The following CSRNP3 variants were observed in gnomAD, a reference collection of about 807,000 sequenced individuals.
The protein encoded by CSRNP3 is cysteine and serine rich nuclear protein 3, also known as cysteine/serine-rich nuclear protein 3.
In CSRNP3, 12 loss-of-function variants were observed where a neutral mutation model predicts 48.0. The observed-to-expected ratio is 0.25, with a 90% CI of 0.16 to 0.41. The LOEUF is 0.41. Among genes scored for constraint, CSRNP3 ranks in the 10% least tolerant of loss-of-function variants. The pLI, the probability that CSRNP3 is intolerant of heterozygous loss-of-function variation, is 1.00. For synonymous variants in CSRNP3, 263 were observed against 269.7 expected (o/e 0.98, Z 0.24); for missense variants, 580 against 724.4 (o/e 0.80, Z 2.29).
chr2:165,565,514 T>C (rs1158031858), intron 3 of CSRNP3, among the ~76,000 whole-genome samples: 1 of 151,974 alleles, frequency 6.6e-6, no homozygotes, highest in East Asian at 1.9e-4. Context: ...GAAGGCTGTA[T>C]AATTCCCTTC....
In CSRNP3 at chr2:165,478,499, T is replaced by C. The variant is rs77344692; in HGVS notation, c.-283+8759T>C. Among the ~76,000 whole-genome samples the C allele has an allele frequency of 2.0e-3, 304 of 152,376 alleles. 5 individuals carry two copies. In the East Asian group the frequency reaches 0.038, roughly 19 times the overall value. ...TACTTCCAAAAGCATGATTCCATTT[T>C]GTTTAAACTTCTTCTCTATGAGGAA... On this transcript the variant is annotated intron_variant, in intron 1 of 6. Transcript: ENST00000651982.
rs1225663802 is a variant in CSRNP3, at chr2:165,488,669, A to G, written c.-282-6090A>G. On this transcript the variant is annotated intron_variant, in intron 1 of 6. Transcript: ENST00000651982. ...ACTCAAAGCCGCTCAACTACATGGAAACTGAACAACCTGCTCCTGAATGAC... is the reference window on the plus strand; with the variant it reads ...ACTCAAAGCCGCTCAACTACATGGAGACTGAACAACCTGCTCCTGAATGAC... Among the ~76,000 whole-genome samples the G allele has an allele frequency of 2.7e-3, 330 of 124,212 alleles. 3 individuals carry two copies. The highest frequency in any genetic ancestry group is 3.6e-3 in the Admixed American group (41 of 11,484). The allele number at this position is 124,212 out of a possible 152,430, so 81.5% of individuals were successfully genotyped here.
At chr2:165,484,007 T>C (rs1684081324) in intron 1 of CSRNP3, among the ~76,000 whole-genome samples, 1 of 152,232 alleles carries the variant, frequency 6.6e-6, no homozygotes, top group Admixed American at 6.5e-5. Context: ...ATTCTTATCT[T>C]AGGAATGCTA....
At chr2:165,678,601 G>C in intron 6 of CSRNP3, 100 bp from the exon 7 acceptor site, 11 of 1,398,200 alleles carry the variant, frequency 7.9e-6, no homozygotes, top group Non-Finnish European at 9.7e-6. Flanking sequence ...GTGGAATTAA[G>C]TGGATGGATT....
intron 4 of CSRNP3, among the ~76,000 whole-genome samples, chr2:165,655,780 G>A (rs80210806): frequency 0.011 from 1,696 of 152,274 alleles, 32 homozygotes; most frequent in African/African-American, 0.039. Flanking sequence ...CCATCTCCAT[G>A]TCAGTCTTCA....
chr2:165,479,273 A>C (rs780024605), intron 1 of CSRNP3, among the ~76,000 whole-genome samples: 2 of 152,200 alleles, frequency 1.3e-5, no homozygotes, highest in African/African-American at 2.4e-5. Context: ...GGGAGAAAAA[A>C]TGTAATTCTA....
At chr2:165,675,904 C>T (rs571985710) in intron 5 of CSRNP3, among the ~76,000 whole-genome samples, 1 of 152,312 alleles carries the variant, frequency 6.6e-6, no homozygotes, top group Non-Finnish European at 1.5e-5. Context: ...GTGGTGATGG[C>T]TTCCACAAGG....
At chr2:165,475,866 G>A (rs983783518) in intron 1 of CSRNP3, among the ~76,000 whole-genome samples, 5 of 152,042 alleles carry the variant, frequency 3.3e-5, no homozygotes, top group African/African-American at 1.2e-4. Context: ...CTACATTAAC[G>A]GGATTTTATC....
At chr2:165,481,174 A>C (rs887775707) in intron 1 of CSRNP3, among the ~76,000 whole-genome samples, 1 of 152,160 alleles carries the variant, frequency 6.6e-6, no homozygotes, top group African/African-American at 2.4e-5. Context: ...ATGGTATTGG[A>C]AAATATTGAA....
At chr2:165,541,491 A>G (rs1211596013) in intron 3 of CSRNP3, among the ~76,000 whole-genome samples, 2 of 152,060 alleles carry the variant, frequency 1.3e-5, no homozygotes, top group Non-Finnish European at 2.9e-5. Flanking sequence ...TCTCTACCAC[A>G]TAATGGGTGG....
At chr2:165,482,044 G>A (rs1189436678) in intron 1 of CSRNP3, among the ~76,000 whole-genome samples, 2 of 151,762 alleles carry the variant, frequency 1.3e-5, no homozygotes, top group East Asian at 1.9e-4. Context: ...ATTTACACAT[G>A]CAACAAACCT....
At chr2:165,602,452 G>T (rs1685931938) in intron 4 of CSRNP3, among the ~76,000 whole-genome samples, 2 of 152,194 alleles carry the variant, frequency 1.3e-5, no homozygotes, top group Admixed American at 1.3e-4. Context: ...GTAGAAACAT[G>T]CAGATCATAA....
At chr2:165,521,159 T>C (rs1684656123) in intron 3 of CSRNP3, among the ~76,000 whole-genome samples, 1 of 139,224 alleles carries the variant, frequency 7.2e-6, no homozygotes, top group African/African-American at 2.7e-5. Context: ...TTGTGTTGTC[T>C]GTTATGGGAA....
rs557730328 is a variant in CSRNP3, at chr2:165,637,391, T to C, written c.149-20370T>C. 1.2e-4 allele frequency among the ~76,000 whole-genome samples: 19 copies of C among 152,332 alleles called. No homozygotes were observed. In the South Asian group the frequency reaches 3.9e-3, roughly 32 times the overall value. ...GTATGCCCTGTGATGCAGAAACAGATTAATTGTATACCTGGCATCACTAAT... is the reference window on the plus strand; with the variant it reads ...GTATGCCCTGTGATGCAGAAACAGACTAATTGTATACCTGGCATCACTAAT... On this transcript the variant is annotated intron_variant, in intron 4 of 6. Coordinates refer to ENST00000651982, the MANE Select transcript of CSRNP3 (RefSeq NM_001172173.2).
chr2:165,520,948 C>T (rs1465304991), intron 3 of CSRNP3, among the ~76,000 whole-genome samples: 1 of 150,466 alleles, frequency 6.6e-6, no homozygotes, highest in African/African-American at 2.4e-5. Context: ...CTGAGCCTCC[C>T]AAGTAGCTGA....
intron 5 of CSRNP3, among the ~76,000 whole-genome samples, chr2:165,672,800 G>A (rs1313606741): frequency 6.6e-6 from 1 of 152,154 alleles, no homozygotes; most frequent in Non-Finnish European, 1.5e-5. Flanking sequence ...ATTTTAAAGA[G>A]CATTTGAACT....
At chr2:165,573,140 AAC>A (rs60074880) in intron 3 of CSRNP3, among the ~76,000 whole-genome samples, 3,631 of 152,164 alleles carry the variant, frequency 0.024, 54 homozygotes, top group African/African-American at 0.035. Context: ...ATACTTTAGT[AAC>A]ACATATCTGT....
chr2:165,587,530 G>A (rs1305045004), intron 3 of CSRNP3, among the ~76,000 whole-genome samples: 1 of 152,234 alleles, frequency 6.6e-6, no homozygotes, highest in Non-Finnish European at 1.5e-5. Context: ...TCAGCCTTTG[G>A]AACATTACAG....
intron 4 of CSRNP3, among the ~76,000 whole-genome samples, chr2:165,638,961 C>T (rs2105332709): frequency 1.3e-5 from 2 of 152,284 alleles, no homozygotes; most frequent in Non-Finnish European, 2.9e-5. Flanking sequence ...TGTTGAGCCT[C>T]TGGTCATAAC....
Sources: allele counts gnomAD v4.1 joint callset (sites outside exome capture counted in the v4.1 genomes callset), GRCh38; gene constraint gnomAD v4.1.1; transcripts MANE v1.5; gene names NCBI Gene and HGNC (gene_info 2026-07-23, HGNC 2026-07-21).